The following LRP1B variants were observed in gnomAD, a reference collection of about 807,000 sequenced individuals.
LRP1B encodes LDL receptor related protein 1B.
In LRP1B, 217 loss-of-function variants were observed where a neutral mutation model predicts 556.6. The ratio of observed to expected loss-of-function variants is 0.39; its 90% CI spans 0.35 to 0.44. The LOEUF (loss-of-function observed/expected upper bound fraction) is 0.44. LRP1B is among the 20% of genes least tolerant of loss of function. The pLI, the probability that LRP1B is intolerant of heterozygous loss-of-function variation, is 1.00. For missense variants in LRP1B, 5,053 were observed against 5,620.8 expected (o/e 0.90, Z 3.23); for synonymous variants, 2,047 against 1,865.8 (o/e 1.10, Z -2.50).
intron 37 of LRP1B, among the ~76,000 whole-genome samples, chr2:140,704,586 G>A (rs1038618973): frequency 5.9e-5 from 9 of 151,998 alleles, no homozygotes; most frequent in East Asian, 1.9e-4. Flanking sequence ...TTTAAGGTAC[G>A]CTGTCAGTGG....
intron 59 of LRP1B, among the ~76,000 whole-genome samples, chr2:140,478,649 C>A (rs1367643985): frequency 6.6e-6 from 1 of 151,924 alleles, no homozygotes; most frequent in African/African-American, 2.4e-5. Flanking sequence ...GCAAAGAAAC[C>A]CTAGAAACAG....
intron 12 of LRP1B, 30 bp from the exon 13 acceptor site, chr2:141,015,945 A>G (rs921333774): frequency 1.3e-6 from 2 of 1,527,432 alleles, no homozygotes; most frequent in Middle Eastern, 1.7e-4. Context: ...ACAAAAATGC[A>G]TACATGTTAT....
chr2:141,401,900 A>G (rs903944894), intron 3 of LRP1B, among the ~76,000 whole-genome samples: 1 of 152,150 alleles, frequency 6.6e-6, no homozygotes, highest in Non-Finnish European at 1.5e-5. Context: ...CTCTCAAATG[A>G]CCATCAATAA....
At chr2:141,119,237 C>T (rs1430379157) in intron 7 of LRP1B, among the ~76,000 whole-genome samples, 2 of 151,636 alleles carry the variant, frequency 1.3e-5, no homozygotes, top group African/African-American at 4.8e-5. Flanking sequence ...CTCAATTGTC[C>T]TAAAAGAGAG....
intron 6 of LRP1B, among the ~76,000 whole-genome samples, chr2:141,193,374 A>G (rs769548795): frequency 5.3e-5 from 8 of 152,198 alleles, no homozygotes; most frequent in Non-Finnish European, 1.0e-4. Flanking sequence ...GATAAAGAAA[A>G]CATGGTGCAT....
chr2:140,463,696 C>T (rs1205524023), intron 60 of LRP1B, among the ~76,000 whole-genome samples: 2 of 152,128 alleles, frequency 1.3e-5, no homozygotes, highest in Admixed American at 6.6e-5. Flanking sequence ...TCAATGAGAT[C>T]TTGCTGGGAT....
intron 1 of LRP1B, among the ~76,000 whole-genome samples, chr2:142,051,666 G>A (rs546162585): frequency 1.8e-4 from 28 of 151,790 alleles, no homozygotes; most frequent in African/African-American, 6.5e-4. Context: ...TAGTAGAGAG[G>A]GGGTTTCACC....
At chr2:141,974,626 C>T (rs1701834301) in intron 1 of LRP1B, among the ~76,000 whole-genome samples, 1 of 151,968 alleles carries the variant, frequency 6.6e-6, no homozygotes, top group Admixed American at 6.6e-5. Flanking sequence ...TGTGGAAAAA[C>T]TACAGGAAAA....
At chr2:141,183,666 C>A (rs1681110630) in intron 7 of LRP1B, among the ~76,000 whole-genome samples, 1 of 151,980 alleles carries the variant, frequency 6.6e-6, no homozygotes, top group African/African-American at 2.4e-5. Flanking sequence ...AGATTCATCC[C>A]ACACAGAAAT....
intron 72 of LRP1B, among the ~76,000 whole-genome samples, chr2:140,364,353 A>T (rs1278034931): frequency 6.6e-6 from 1 of 151,620 alleles, no homozygotes; most frequent in Non-Finnish European, 1.5e-5. Context: ...TGAAGCCAAA[A>T]TTATTATATG....
intron 6 of LRP1B, among the ~76,000 whole-genome samples, chr2:141,189,096 AG>A (rs1681384443): frequency 6.6e-6 from 1 of 152,012 alleles, no homozygotes. Flanking sequence ...TTGGAAATAA[AG>A]CAAATGGAGG....
At chr2:140,505,995 A>G (rs1409869702) in intron 53 of LRP1B, among the ~76,000 whole-genome samples, 1 of 152,172 alleles carries the variant, frequency 6.6e-6, no homozygotes, top group East Asian at 1.9e-4. Context: ...ATAGAAAAAT[A>G]TATGTAAAGG....
At chr2:141,520,976 G>T (rs115089255) in intron 2 of LRP1B, among the ~76,000 whole-genome samples, 1 of 151,978 alleles carries the variant, frequency 6.6e-6, no homozygotes, top group African/African-American at 2.4e-5. Flanking sequence ...AGAAGGAGGG[G>T]TACTTAAAGT....
intron 60 of LRP1B, among the ~76,000 whole-genome samples, chr2:140,471,671 T>G (rs1190963694): frequency 6.6e-6 from 1 of 152,192 alleles, no homozygotes; most frequent in Non-Finnish European, 1.5e-5. Context: ...GTCTCTAAAT[T>G]GGTTGCCCTT....
intron 83 of LRP1B, 131 bp downstream of exon 83, chr2:140,314,804 G>A (rs1370151748): frequency 1.6e-6 from 1 of 625,294 alleles, no homozygotes; most frequent in Non-Finnish European, 2.5e-6. Context: ...ATTTAATTTT[G>A]TGTTATTATA....
chr2:141,020,325 T>A (rs533870797), intron 11 of LRP1B, among the ~76,000 whole-genome samples: 1 of 152,176 alleles, frequency 6.6e-6, no homozygotes, highest in East Asian at 1.9e-4. Context: ...CTCTCTCAAT[T>A]GTACACAGTG....
intron 18 of LRP1B, among the ~76,000 whole-genome samples, chr2:140,973,723 C>A (rs980287): frequency 0.74 from 111,881 of 151,962 alleles, 41,695 homozygotes; most frequent in Admixed American, 0.79. Context: ...AAATTTCTAC[C>A]ACATGAACTT....
chr2:141,125,712 TTCTC>T (rs1421589227), intron 7 of LRP1B, among the ~76,000 whole-genome samples: 2 of 152,040 alleles, frequency 1.3e-5, no homozygotes, highest in African/African-American at 4.8e-5. Flanking sequence ...CATAAATATC[TTCTC>T]TCTGTGTACT....
At chr2:141,153,327 T>G (rs1380991043) in intron 7 of LRP1B, among the ~76,000 whole-genome samples, 2 of 111,606 alleles carry the variant, frequency 1.8e-5, no homozygotes, top group Non-Finnish European at 3.5e-5. Flanking sequence ...GCTATATATA[T>G]TTATATAATA....
Sources: gnomAD v4.1 joint callset for allele counts (sites outside exome capture counted in the v4.1 genomes callset) on GRCh38, gnomAD v4.1.1 for gene constraint, MANE v1.5 for transcripts, NCBI Gene and HGNC (gene_info 2026-07-23, HGNC 2026-07-21) for gene names.